The following LRRTM4 variants were observed in gnomAD, a reference collection of about 807,000 sequenced individuals.
LRRTM4 encodes leucine-rich repeat transmembrane neuronal protein 4.
Under a neutral mutation model 47.6 loss-of-function variants are expected in LRRTM4, and 25 were observed. The observed-to-expected ratio is 0.53, with a 90% CI of 0.38 to 0.73. LRRTM4 has a LOEUF of 0.73. Ranked by LOEUF, LRRTM4 falls within the 30% of genes least tolerant of loss-of-function variation. The probability of loss-of-function intolerance (pLI) is 0.00; values close to 1 mark genes in which losing one functional copy is unlikely to be tolerated. For synonymous variants in LRRTM4, 311 were observed against 269.5 expected (o/e 1.15, Z -1.51); for missense variants, 638 against 713.4 (o/e 0.89, Z 1.20).
intron 3 of LRRTM4, chr2:77,008,878 G>C (rs1299959360): frequency 6.7e-6 from 1 of 148,800 alleles, no homozygotes. Flanking sequence ...AGCACTTTCT[G>C]TCTAACACTT....
rs140922031 is a variant in LRRTM4 at position 77,277,666 on chromosome 2, C to T, written c.1551+240652G>A. On this transcript the variant is annotated intron_variant, in intron 3 of 3. Transcript: ENST00000409884. ...AGCTTAGTGCACTCTTAAATTTCTC[C>T]GTTCATATGTAAAAGCAGATGATCT... Among the ~76,000 whole-genome samples the T allele has an allele frequency of 4.9e-4, 75 of 152,006 alleles. 1 individual carries two copies. Among genetic ancestry groups the T allele is most frequent in the African/African-American group, 1.6e-3 (68 of 41,490 alleles).
At chr2:76,939,817 T>C (rs1314046375) in intron 3 of LRRTM4, among the ~76,000 whole-genome samples, 1 of 152,154 alleles carries the variant, frequency 6.6e-6, no homozygotes, top group East Asian at 1.9e-4. Context: ...TTCATAAATC[T>C]TTTCATTTCT....
rs111630475 is a variant in LRRTM4, at chr2:76,803,486, C to T, written c.1552-54570G>A. On this transcript the variant is annotated intron_variant, in intron 3 of 3. Coordinates refer to ENST00000409884, the MANE Select transcript of LRRTM4 (RefSeq NM_001134745.3). ...TTGTGGAGAAAAGCAAACCCTTGTA[C>T]GCTGTTGATGGGAATGTAAATCAGT... is the stretch of plus-strand genomic sequence containing the variant. Among the ~76,000 whole-genome samples, 1,085 of 152,160 alleles carry T rather than the reference C, an allele frequency of 7.1e-3. 4 individuals carry two copies. The highest frequency in any genetic ancestry group is 0.012 in the Non-Finnish European group (799 of 67,992).
intron 3 of LRRTM4, among the ~76,000 whole-genome samples, chr2:77,109,676 C>T (rs866430920): frequency 1.3e-4 from 19 of 151,766 alleles, no homozygotes; most frequent in South Asian, 4.2e-4. Flanking sequence ...ATTGTAAATA[C>T]AAGACAGTAG....
At chr2:77,089,525 A>G (rs1483011599) in intron 3 of LRRTM4, among the ~76,000 whole-genome samples, 1 of 150,740 alleles carries the variant, frequency 6.6e-6, no homozygotes, top group Non-Finnish European at 1.5e-5. Context: ...CTGACCTCTT[A>G]TCTCTGTGCC....
chr2:77,426,019 G>C (rs1675089999), intron 3 of LRRTM4, among the ~76,000 whole-genome samples: 1 of 151,642 alleles, frequency 6.6e-6, no homozygotes, highest in African/African-American at 2.4e-5. Context: ...AGGAGACTGA[G>C]GCAGGAGAAT....
At chr2:77,245,281 T>G (rs1675401730) in intron 3 of LRRTM4, among the ~76,000 whole-genome samples, 1 of 152,156 alleles carries the variant, frequency 6.6e-6, no homozygotes, top group South Asian at 2.1e-4. Context: ...GCCGGGTGCC[T>G]CATGCCTGTA....
At chr2:76,946,392 G>T (rs913165145) in intron 3 of LRRTM4, among the ~76,000 whole-genome samples, 1 of 151,790 alleles carries the variant, frequency 6.6e-6, no homozygotes, top group African/African-American at 2.4e-5. Context: ...AACTATAGTG[G>T]CACATTCAAA....
chr2:77,463,171 G>T (rs1159531509), intron 3 of LRRTM4, among the ~76,000 whole-genome samples: 1 of 151,928 alleles, frequency 6.6e-6, no homozygotes, highest in Non-Finnish European at 1.5e-5. Context: ...GTTGCTTCAA[G>T]GCTACAAACC....
chr2:76,869,652 G>A (rs1467021073), intron 3 of LRRTM4, among the ~76,000 whole-genome samples: 4 of 152,138 alleles, frequency 2.6e-5, no homozygotes, highest in Admixed American at 6.5e-5. Flanking sequence ...TATGTGTGAT[G>A]TAAGTTAACC....
intron 3 of LRRTM4, among the ~76,000 whole-genome samples, chr2:77,421,267 C>T (rs1674869705): frequency 1.3e-5 from 2 of 152,276 alleles, no homozygotes; most frequent in South Asian, 4.1e-4. Flanking sequence ...AAGAATCAAA[C>T]ATATATCCTG....
intron 3 of LRRTM4, among the ~76,000 whole-genome samples, chr2:77,240,060 C>T (rs1369864463): frequency 6.6e-6 from 1 of 151,464 alleles, no homozygotes; most frequent in Non-Finnish European, 1.5e-5. Flanking sequence ...AAAATATTTA[C>T]AATAATTGTA....
intron 3 of LRRTM4, among the ~76,000 whole-genome samples, chr2:77,089,805 C>T (rs1450951813): frequency 6.6e-6 from 1 of 152,128 alleles, no homozygotes; most frequent in Non-Finnish European, 1.5e-5. Flanking sequence ...CAGAAAATGG[C>T]ACTTTGAATT....
At chr2:77,517,874 T>C (rs1679276970) in intron 3 of LRRTM4, 1 of 987,262 alleles carries the variant, frequency 1.0e-6, no homozygotes, top group Non-Finnish European at 1.2e-6. Context: ...AATTGCTCTT[T>C]GGTTTAAATC....
chr2:76,891,626 A>G (rs1673258025), intron 3 of LRRTM4, among the ~76,000 whole-genome samples: 1 of 151,832 alleles, frequency 6.6e-6, no homozygotes. Flanking sequence ...TGGGGAAAAT[A>G]CAGACTTTTT....
intron 3 of LRRTM4, among the ~76,000 whole-genome samples, chr2:77,140,856 C>T (rs919305693): frequency 6.6e-6 from 1 of 152,218 alleles, no homozygotes; most frequent in Non-Finnish European, 1.5e-5. Context: ...ATGCAGCCAA[C>T]AGACACATGA....
At chr2:77,431,630 T>C (rs1675379900) in intron 3 of LRRTM4, among the ~76,000 whole-genome samples, 1 of 149,170 alleles carries the variant, frequency 6.7e-6, no homozygotes, top group Non-Finnish European at 1.5e-5. Context: ...CAGATATGGA[T>C]GACAATCAGG....
chr2:76,749,025 C>T (rs1374896461), intron 3 of LRRTM4, 109 bp from the exon 4 acceptor site: 2 of 787,086 alleles, frequency 2.5e-6, no homozygotes, highest in Non-Finnish European at 2.1e-6. Context: ...TTCAAGTCAT[C>T]AGCTACAAAT....
intron 3 of LRRTM4, among the ~76,000 whole-genome samples, chr2:76,898,010 C>T (rs958296811): frequency 1.3e-5 from 2 of 152,124 alleles, no homozygotes. Flanking sequence ...GCAGTCCTAA[C>T]AGGATGGCCC....
Sources: gnomAD v4.1 joint callset for allele counts (sites outside exome capture counted in the v4.1 genomes callset) on GRCh38, gnomAD v4.1.1 for gene constraint, MANE v1.5 for transcripts, NCBI Gene and HGNC (gene_info 2026-07-23, HGNC 2026-07-21) for gene names.